DCUN1D3: variants seen among roughly 807,000 people sequenced by gnomAD.
The protein encoded by DCUN1D3 is DCN1-like protein 3.
A neutral mutation model predicts 24.8 loss-of-function variants in DCUN1D3; 6 were observed. The observed-to-expected ratio is 0.24, with a 90% CI of 0.13 to 0.48. The LOEUF is 0.48. Among genes scored for constraint, DCUN1D3 ranks in the 20% least tolerant of loss-of-function variants. The pLI, the probability that DCUN1D3 is intolerant of heterozygous loss-of-function variation, is 0.99. For missense variants in DCUN1D3, 258 were observed against 379.4 expected (o/e 0.68, Z 2.66); for synonymous variants, 120 against 144.9 (o/e 0.83, Z 1.24).
chr16:20,893,353 T>C (rs935355037), intron 1 of DCUN1D3, among the ~76,000 whole-genome samples: 27 of 152,074 alleles, frequency 1.8e-4, no homozygotes, highest in African/African-American at 6.3e-4. Context: ...CCCTTATTTC[T>C]TGTAAAATGA....
chr16:20,887,040 G>A (rs760228250), intron 1 of DCUN1D3, among the ~76,000 whole-genome samples: 3 of 152,198 alleles, frequency 2.0e-5, no homozygotes, highest in Non-Finnish European at 2.9e-5. Flanking sequence ...TAGGCTGGGC[G>A]CTGTGGCTCA....
chr16:20,875,438 T>C (rs2081809964), intron 1 of DCUN1D3, among the ~76,000 whole-genome samples: 1 of 152,240 alleles, frequency 6.6e-6, no homozygotes, highest in Admixed American at 6.5e-5. Flanking sequence ...GGAAAGTACA[T>C]GCATTGGATG....
At chr16:20,862,975 T>G (rs762846777) in intron 1 of DCUN1D3, among the ~76,000 whole-genome samples, 5 of 152,320 alleles carry the variant, frequency 3.3e-5, no homozygotes, top group Non-Finnish European at 5.9e-5. Context: ...TGCCATCACA[T>G]AAGAAAAGTT....
chr16:20,857,349 A>T lies in DCUN1D3; in HGVS notation c.*2537T>A, dbSNP rs2081707289. The T allele has an allele frequency of 1.3e-5, 2 of 152,232 alleles. No individual in the cohort carries two copies. Among genetic ancestry groups the T allele is most frequent in the African/African-American group, 4.8e-5 (2 of 41,452 alleles). The allele number at this position is 152,232 out of a possible 1,614,324, so 9.4% of individuals were successfully genotyped here. ...GATGAGGAGGCTAAATAGTTAATTT[A>T]AAAAACAACAAAATACATCCACTCT... On this transcript the variant is annotated 3_prime_UTR_variant, in exon 3 of 3. Transcript: ENST00000324344.
At chr16:20,893,299 A>G (rs980489188) in intron 1 of DCUN1D3, among the ~76,000 whole-genome samples, 8 of 152,030 alleles carry the variant, frequency 5.3e-5, no homozygotes, top group Admixed American at 2.6e-4. Flanking sequence ...CAGCCTCCCA[A>G]GCAGGTGACA....
intron 1 of DCUN1D3, among the ~76,000 whole-genome samples, chr16:20,881,548 A>G (rs942707875): frequency 1.3e-5 from 2 of 152,288 alleles, no homozygotes; most frequent in African/African-American, 2.4e-5. Context: ...GGAAATCTCA[A>G]CCAAGCTTGA....
At chr16:20,877,684 T>C (rs2081822975) in intron 1 of DCUN1D3, among the ~76,000 whole-genome samples, 1 of 152,238 alleles carries the variant, frequency 6.6e-6, no homozygotes, top group Non-Finnish European at 1.5e-5. Context: ...ACTCAATAAA[T>C]GGTAGCTATT....
At chr16:20,887,179 G>A (rs1290540932) in intron 1 of DCUN1D3, among the ~76,000 whole-genome samples, 2 of 152,186 alleles carry the variant, frequency 1.3e-5, no homozygotes, top group African/African-American at 4.8e-5. Flanking sequence ...GCGGGTGCCT[G>A]TAATCCCAGC....
intron 1 of DCUN1D3, among the ~76,000 whole-genome samples, chr16:20,864,826 T>TACACACTC (rs1308898625): frequency 2.6e-5 from 4 of 152,114 alleles, no homozygotes; most frequent in African/African-American, 9.7e-5. Flanking sequence ...AAGAACGAGA[T>TACACACTC]CATGTCTTTT....
At chr16:20,882,418 A>T (rs1275400309) in intron 1 of DCUN1D3, among the ~76,000 whole-genome samples, 1 of 151,306 alleles carries the variant, frequency 6.6e-6, no homozygotes, top group Non-Finnish European at 1.5e-5. Context: ...ACACTCTGCT[A>T]ATTTTGTATA....
At chr16:20,884,850 AG>A (rs1168157464) in intron 1 of DCUN1D3, among the ~76,000 whole-genome samples, 6 of 152,190 alleles carry the variant, frequency 3.9e-5, no homozygotes, top group Non-Finnish European at 8.8e-5. Flanking sequence ...ATGAAGTTCG[AG>A]GTTGCAGGGA....
Position 20,862,568 on chromosome 16 carries a change from C to T in DCUN1D3, c.-30G>A. 1 of 1,581,974 alleles carries T rather than the reference C, an allele frequency of 6.3e-7. No homozygotes were observed. The highest frequency in any genetic ancestry group is 1.1e-5 in the South Asian group (1 of 87,738). The stretch of plus-strand genomic sequence containing the variant: ...CTGGTGGCCTGGCCTCTAGAGTGGA[C>T]CCCTCTGGATTGGATGCCCTCGCTG... On this transcript the variant is annotated 5_prime_UTR_variant, in exon 2 of 3. Transcript: ENST00000324344.
chr16:20,882,466 T>G (rs1052240734), intron 1 of DCUN1D3, among the ~76,000 whole-genome samples: 3 of 151,892 alleles, frequency 2.0e-5, no homozygotes, highest in African/African-American at 7.3e-5. Flanking sequence ...GGTATCTCCA[T>G]GTTGGTCAGA....
chr16:20,887,948 T>C lies in DCUN1D3; in HGVS notation c.-106+12256A>G, dbSNP rs555711703. Among the ~76,000 whole-genome samples, 27 of 152,264 alleles carry C rather than the reference T, an allele frequency of 1.8e-4. No individual in the cohort carries two copies. In the South Asian group the frequency reaches 5.0e-3, roughly 28 times the overall value. On this transcript the variant is annotated intron_variant, in intron 1 of 2. Coordinates refer to ENST00000324344, the MANE Select transcript of DCUN1D3 (RefSeq NM_173475.4). ...GCTCCATAGGGTTTCAGGAGGAAGA[T>C]TTTCCATCTCTGGGTTTTAGGCCAG... is the stretch of plus-strand genomic sequence containing the variant.
At chr16:20,898,828 A>G (rs1462105800) in intron 1 of DCUN1D3, among the ~76,000 whole-genome samples, 1 of 152,228 alleles carries the variant, frequency 6.6e-6, no homozygotes, top group Non-Finnish European at 1.5e-5. Context: ...ATGTATCAAC[A>G]CCAAAAGGAA....
At chr16:20,880,871 CA>C (rs2081840263) in intron 1 of DCUN1D3, among the ~76,000 whole-genome samples, 1 of 152,100 alleles carries the variant, frequency 6.6e-6, no homozygotes, top group Non-Finnish European at 1.5e-5. Flanking sequence ...TCCAACTCTC[CA>C]ATAATAATAC....
At chr16:20,896,927 C>T (rs1398722627) in intron 1 of DCUN1D3, among the ~76,000 whole-genome samples, 2 of 152,314 alleles carry the variant, frequency 1.3e-5, no homozygotes, top group East Asian at 1.9e-4. Flanking sequence ...GGATCTACCT[C>T]GTCCCCTTCA....
In DCUN1D3 at chr16:20,859,623, G is replaced by C. The variant is rs978376518; in HGVS notation, c.*263C>G. The C allele has an allele frequency of 2.0e-5, 7 of 342,352 alleles. No individual in the cohort carries two copies. The highest frequency in any genetic ancestry group is 3.6e-5 in the Non-Finnish European group (7 of 194,172). 21.2% of individuals were successfully genotyped at this position (342,352 alleles called of 1,614,324 possible). A position where few individuals can be genotyped will look rare whatever the true frequency, so the allele number is the denominator to read the frequency against. On this transcript the variant is annotated 3_prime_UTR_variant, in exon 3 of 3. Transcript: ENST00000324344. ...AATGGCAGGCTTATTCTATCTGAAG[G>C]CTTCAAAAAAAGATACACAACATGT...
intron 1 of DCUN1D3, among the ~76,000 whole-genome samples, chr16:20,882,424 G>GTA (rs373075429): frequency 0.019 from 2,835 of 149,872 alleles, 73 homozygotes; most frequent in African/African-American, 0.061. Context: ...TGCTAATTTT[G>GTA]TATATATATA....
Sources: allele counts gnomAD v4.1 joint callset (sites outside exome capture counted in the v4.1 genomes callset), GRCh38; gene constraint gnomAD v4.1.1; transcripts MANE v1.5; gene names NCBI Gene and HGNC (gene_info 2026-07-23, HGNC 2026-07-21).